The following CDC26 variants were observed in gnomAD, a reference collection of about 807,000 sequenced individuals.
CDC26 encodes cell division cycle 26, also known as anaphase-promoting complex subunit CDC26.
Under a neutral mutation model 8.0 loss-of-function variants are expected in CDC26, and 2 were observed. That is an observed-to-expected ratio of 0.25 (90% CI 0.10 to 0.79). CDC26 has a LOEUF of 0.79. CDC26 is among the 30% of genes least tolerant of loss of function. The pLI, the probability that CDC26 is intolerant of heterozygous loss-of-function variation, is 0.70. For missense variants in CDC26, 68 were observed against 106.0 expected (o/e 0.64, Z 1.57); for synonymous variants, 19 against 34.9 (o/e 0.55, Z 1.60).
chr9:113,267,929 G>C (rs1208951666), intron 3 of CDC26, among the ~76,000 whole-genome samples: 1 of 152,206 alleles, frequency 6.6e-6, no homozygotes. Flanking sequence ...GGAGGTTGCA[G>C]AGAGCTGAGA....
intron 1 of CDC26, among the ~76,000 whole-genome samples, chr9:113,274,970 A>T (rs1463898122): frequency 2.0e-5 from 3 of 152,198 alleles, no homozygotes; most frequent in Non-Finnish European, 4.4e-5. Context: ...AGAGAGACGT[A>T]CAGAGTTACC....
intron 3 of CDC26, among the ~76,000 whole-genome samples, chr9:113,270,105 A>T (rs1389624145): frequency 6.6e-6 from 1 of 152,218 alleles, no homozygotes; most frequent in Non-Finnish European, 1.5e-5. Flanking sequence ...GCACAGGAGG[A>T]TAAGGTTGAG....
At position 113,272,498 on chromosome 9, in the gene CDC26, G is replaced by A. The variant is rs199571847; in HGVS notation, c.10C>T (p.Arg4Trp). The A allele has an allele frequency of 5.0e-6, 8 of 1,611,488 alleles. No homozygotes were observed. Among genetic ancestry groups the A allele is most frequent in the African/African-American group, 2.7e-5 (2 of 74,854 alleles). The change falls in exon 3 of 4, where the codon CGG becomes TGG. Residue 4 changes from arginine to tryptophan, a missense_variant. By Grantham distance (101) the Arg-to-Trp change is moderately radical. Coordinates refer to ENST00000374206, the MANE Select transcript of CDC26 (RefSeq NM_139286.4). MLR[R>W]KPTRLELKLD... The stretch of plus-strand genomic sequence containing the variant: ...TTTAGCTCTAGGCGTGTTGGTTTCC[G>A]TCTCAGCATACTGAAGTCAACACTA...
intron 3 of CDC26, among the ~76,000 whole-genome samples, chr9:113,272,117 C>T (rs760806284): frequency 1.3e-5 from 2 of 152,140 alleles, no homozygotes; most frequent in Non-Finnish European, 2.9e-5. Context: ...ATTCCTTAAG[C>T]TTTGAAAGTT....
chr9:113,271,956 G>A (rs148695192), intron 3 of CDC26, among the ~76,000 whole-genome samples: 285 of 152,172 alleles, frequency 1.9e-3, no homozygotes, highest in African/African-American at 6.4e-3. Context: ...TCCCGCCTCC[G>A]CCTCCTGAGT....
intron 3 of CDC26, among the ~76,000 whole-genome samples, chr9:113,270,280 C>T (rs1831933129): frequency 6.6e-6 from 1 of 152,148 alleles, no homozygotes; most frequent in African/African-American, 2.4e-5. Context: ...GCTCATATGC[C>T]ATGCTAGGGA....
intron 1 of CDC26, among the ~76,000 whole-genome samples, chr9:113,273,656 T>C (rs1342071757): frequency 6.6e-6 from 1 of 151,738 alleles, no homozygotes; most frequent in Non-Finnish European, 1.5e-5. Flanking sequence ...ACAGCTTTGG[T>C]AACGTAGCAA....
intron 2 of CDC26, among the ~76,000 whole-genome samples, chr9:113,272,967 T>C (rs958302550): frequency 2.0e-5 from 3 of 152,226 alleles, no homozygotes; most frequent in East Asian, 1.9e-4. Context: ...GCTGGCATTA[T>C]AGGCAAGAGC....
At position 113,268,873 on chromosome 9, in the gene CDC26, G is replaced by T. The variant is rs533978995; in HGVS notation, c.82-1434C>A. Among the ~76,000 whole-genome samples, 11 of 152,270 alleles carry T rather than the reference G, an allele frequency of 7.2e-5. No individual in the cohort carries two copies. The South Asian group carries it at 2.1e-3, about 29-fold the overall frequency. The stretch of plus-strand genomic sequence containing the variant: ...GGGTTCAAGCGATTCTCCTGCCTCA[G>T]CCTCTCAAGTAGTTGGGACTACAGG... On this transcript the variant is annotated intron_variant, in intron 3 of 3. Coordinates refer to ENST00000374206, the MANE Select transcript of CDC26 (RefSeq NM_139286.4).
chr9:113,273,235 A>T (rs1224082865), intron 2 of CDC26, 94 bp downstream of exon 2: 1 of 152,222 alleles, frequency 6.6e-6, no homozygotes, highest in African/African-American at 2.4e-5. Flanking sequence ...AAACCAGTGA[A>T]TTTAATCTAC....
Position 113,275,424 on chromosome 9 carries a change from C to T in CDC26, c.-194G>A, listed in dbSNP as rs751801962. The T allele has an allele frequency of 6.7e-5, 22 of 327,054 alleles. No individual in the cohort carries two copies. The highest frequency in any genetic ancestry group is 1.2e-4 in the Non-Finnish European group (21 of 178,004). 20.3% of individuals were successfully genotyped at this position (327,054 alleles called of 1,614,324 possible). A position where few individuals can be genotyped will look rare whatever the true frequency, so the allele number is the denominator to read the frequency against. On this transcript the variant is annotated 5_prime_UTR_variant, in exon 1 of 4. Coordinates refer to ENST00000374206, the MANE Select transcript of CDC26 (RefSeq NM_139286.4). ...TAGCCCCTTCCCGGAACCTCGGCTC[C>T]CCCCCAACGAAACTACTGCTAAGCC...
intron 3 of CDC26, among the ~76,000 whole-genome samples, chr9:113,269,455 A>G (rs1831919305): frequency 6.6e-6 from 1 of 152,220 alleles, no homozygotes; most frequent in Admixed American, 6.5e-5. Context: ...ACTTTGAGCA[A>G]CTGCTGTTTC....
Position 113,275,427 on chromosome 9 carries a change from C to T in CDC26, c.-197G>A, listed in dbSNP as rs41276779. The stretch of plus-strand genomic sequence containing the variant: ...CCCCTTCCCGGAACCTCGGCTCCCC[C>T]CCAACGAAACTACTGCTAAGCCAAC... On this transcript the variant is annotated 5_prime_UTR_variant, in exon 1 of 4. Coordinates refer to ENST00000374206, the MANE Select transcript of CDC26 (RefSeq NM_139286.4). 2.2e-4 allele frequency: 73 copies of T among 332,284 alleles called. No homozygotes were observed. Among genetic ancestry groups the T allele is most frequent in the African/African-American group, 1.2e-3 (55 of 46,814 alleles). The allele number at this position is 332,284 out of a possible 1,614,324, so 20.6% of individuals were successfully genotyped here. A position where few individuals can be genotyped will look rare whatever the true frequency, so the allele number is the denominator to read the frequency against.
chr9:113,272,711 G>A (rs981094848), intron 2 of CDC26, among the ~76,000 whole-genome samples, 163 bp from the exon 3 acceptor site: 55 of 141,696 alleles, frequency 3.9e-4, no homozygotes, highest in Non-Finnish European at 6.7e-4. Flanking sequence ...TTTTTTTTAA[G>A]AGATAGGATC....
At chr9:113,272,394 C>T in intron 3 of CDC26, 33 bp downstream of exon 3, 1 of 1,505,042 alleles carries the variant, frequency 6.6e-7, no homozygotes, top group South Asian at 1.1e-5. Context: ...GAGCGAGACT[C>T]CATCTCAAAA....
intron 2 of CDC26, 77 bp from the exon 3 acceptor site, chr9:113,272,625 G>A (rs1831977458): frequency 1.4e-6 from 1 of 693,420 alleles, no homozygotes; most frequent in Admixed American, 2.4e-5. Context: ...CAATTTGCAA[G>A]CATGTATACT....
chr9:113,267,836 A>G (rs1831887228), intron 3 of CDC26, among the ~76,000 whole-genome samples: 1 of 152,124 alleles, frequency 6.6e-6, no homozygotes, highest in Admixed American at 6.5e-5. Context: ...AAAATACAAA[A>G]ATTAGCTGGG....
chr9:113,273,499 T>C (rs1831991605), intron 1 of CDC26, 61 bp from the exon 2 acceptor site: 1 of 152,208 alleles, frequency 6.6e-6, no homozygotes, highest in South Asian at 2.1e-4. Flanking sequence ...ATGAGGATAC[T>C]AGCACTGGCA....
At chr9:113,272,855 C>A (rs1405517757) in intron 2 of CDC26, among the ~76,000 whole-genome samples, 1 of 152,046 alleles carries the variant, frequency 6.6e-6, no homozygotes, top group Non-Finnish European at 1.5e-5. Flanking sequence ...CCATACCTGG[C>A]TAATTTTTGT....
Sources: allele counts gnomAD v4.1 joint callset (sites outside exome capture counted in the v4.1 genomes callset), GRCh38; gene constraint gnomAD v4.1.1; transcripts MANE v1.5; gene names NCBI Gene and HGNC (gene_info 2026-07-23, HGNC 2026-07-21).